The following KLF8 variants were observed in gnomAD, a reference collection of about 807,000 sequenced individuals.
KLF8 encodes the protein Krueppel-like factor 8.
In KLF8, 10 loss-of-function variants were observed where a neutral mutation model predicts 18.2. That is an observed-to-expected ratio of 0.55 (90% CI 0.34 to 0.93). The LOEUF (loss-of-function observed/expected upper bound fraction) is 0.93, where lower values mean the gene tolerates loss of function less well. Ranked by LOEUF, KLF8 falls within the 40% of genes least tolerant of loss-of-function variation. The pLI is 0.02. For synonymous variants in KLF8, 109 were observed against 97.3 expected, an observed-to-expected ratio of 1.12 and a Z score of -0.71; for missense variants, 264 against 277.9, an observed-to-expected ratio of 0.95 and a Z score of 0.36.
the KLF8 span, among the ~76,000 whole-genome samples, chrX:56,123,197 T>C: frequency 9.2e-6 from 1 of 108,587 alleles, no homozygotes; most frequent in Non-Finnish European, 1.9e-5. Flanking sequence ...CCCAAGCATG[T>C]TTGACAGAGA....
At chrX:55,947,773 A>G in the KLF8 span, among the ~76,000 whole-genome samples, 1 of 111,893 alleles carries the variant, frequency 8.9e-6, no homozygotes, top group East Asian at 2.8e-4. Flanking sequence ...TGCAAAATAA[A>G]TGCTTTATAT....
At chrX:56,071,411 G>A in the KLF8 span, among the ~76,000 whole-genome samples, 7 of 110,965 alleles carry the variant, frequency 6.3e-5, no homozygotes, top group Non-Finnish European at 9.5e-5. Context: ...ATAATAGAAG[G>A]AATATAAAAT....
chrX:56,082,502 A>T, the KLF8 span, among the ~76,000 whole-genome samples: 1 of 102,996 alleles, frequency 9.7e-6, no homozygotes, highest in South Asian at 4.1e-4. Context: ...CTAGATTTGG[A>T]TTTAGTCTTT....
chrX:56,164,594 C>A, the KLF8 span, among the ~76,000 whole-genome samples: 1 of 101,261 alleles, frequency 9.9e-6, no homozygotes, highest in African/African-American at 3.5e-5. Context: ...TTTTTTTATC[C>A]TCTAGAATAT....
At chrX:56,262,335 A>T (rs1052607875) in intron 2 of KLF8, among the ~76,000 whole-genome samples, 3 of 111,882 alleles carry the variant, frequency 2.7e-5, no homozygotes, top group Non-Finnish European at 3.8e-5. Flanking sequence ...TCCATTTTAG[A>T]TGTTCCTACG....
chrX:56,102,420 C>CT, the KLF8 span, among the ~76,000 whole-genome samples: 1 of 111,348 alleles, frequency 9.0e-6, no homozygotes, highest in Non-Finnish European at 1.9e-5. Context: ...CTTAGGATTG[C>CT]TTTGGCTATT....
At chrX:56,059,535 G>T in the KLF8 span, among the ~76,000 whole-genome samples, 3 of 111,939 alleles carry the variant, frequency 2.7e-5, no homozygotes, top group Non-Finnish European at 3.8e-5. Context: ...TTTGTATAAG[G>T]TGTAAGGAAG....
the KLF8 span, among the ~76,000 whole-genome samples, chrX:55,948,158 T>C: frequency 8.9e-6 from 1 of 112,371 alleles, no homozygotes; most frequent in Non-Finnish European, 1.9e-5. Flanking sequence ...AGTAATTAGC[T>C]GATTAACATT....
chrX:56,257,398 G>A (rs1851724144), intron 2 of KLF8, among the ~76,000 whole-genome samples: 1 of 111,945 alleles, frequency 8.9e-6, no homozygotes, highest in Admixed American at 9.5e-5. Context: ...GGGGATACAT[G>A]TGCAGGTTTG....
chrX:56,151,056 G>A, the KLF8 span, among the ~76,000 whole-genome samples: 1 of 111,238 alleles, frequency 9.0e-6, no homozygotes, highest in Admixed American at 9.6e-5. Context: ...ACTATATGGA[G>A]CAGGAGGGAG....
the KLF8 span, among the ~76,000 whole-genome samples, chrX:56,024,338 G>A: frequency 9.1e-6 from 1 of 109,858 alleles, no homozygotes; most frequent in Non-Finnish European, 1.9e-5. Flanking sequence ...TTCCGAAATA[G>A]CTGGAATTAC....
At chrX:55,966,314 T>A in the KLF8 span, among the ~76,000 whole-genome samples, 1 of 112,247 alleles carries the variant, frequency 8.9e-6, no homozygotes, top group Non-Finnish European at 1.9e-5. Flanking sequence ...TGAGACCAAG[T>A]GCTTTGCTGG....
At chrX:56,081,997 C>T in the KLF8 span, among the ~76,000 whole-genome samples, 2 of 111,317 alleles carry the variant, frequency 1.8e-5, no homozygotes, top group East Asian at 5.6e-4. Context: ...CCCTCCTCTT[C>T]AATGTTTTGA....
At chrX:56,036,760 T>C in the KLF8 span, among the ~76,000 whole-genome samples, 1 of 111,904 alleles carries the variant, frequency 8.9e-6, no homozygotes, top group Non-Finnish European at 1.9e-5. Flanking sequence ...ATTTGTAGAT[T>C]CCTTTGGGTA....
At chrX:56,169,119 G>A in the KLF8 span, among the ~76,000 whole-genome samples, 1,048 of 111,074 alleles carry the variant, frequency 9.4e-3, 11 homozygotes, top group African/African-American at 0.033. Context: ...TGCCTTAAAG[G>A]GAATGACCTG....
At chrX:56,201,062 A>C in the KLF8 span, among the ~76,000 whole-genome samples, 1 of 112,022 alleles carries the variant, frequency 8.9e-6, no homozygotes, top group Non-Finnish European at 1.9e-5. Context: ...GTTTTCTCAA[A>C]AAATTAAAAA....
At chrX:56,053,831 T>C in the KLF8 span, among the ~76,000 whole-genome samples, 1 of 111,103 alleles carries the variant, frequency 9.0e-6, no homozygotes, top group Non-Finnish European at 1.9e-5. Flanking sequence ...AATTTGTATT[T>C]CTGTAGGGTT....
At chrX:56,016,693 G>A in the KLF8 span, among the ~76,000 whole-genome samples, 1 of 111,239 alleles carries the variant, frequency 9.0e-6, no homozygotes, top group Non-Finnish European at 1.9e-5. Flanking sequence ...AACTACTGTG[G>A]TTCCTGAGTC....
At chrX:56,111,058 C>A in the KLF8 span, among the ~76,000 whole-genome samples, 1 of 111,700 alleles carries the variant, frequency 9.0e-6, no homozygotes, top group Non-Finnish European at 1.9e-5. Flanking sequence ...CTGGTAATGT[C>A]TTAATCTCTG....
Sources: allele counts gnomAD v4.1 joint callset (sites outside exome capture counted in the v4.1 genomes callset), GRCh38; gene constraint gnomAD v4.1.1; transcripts MANE v1.5; gene names NCBI Gene and HGNC (gene_info 2026-07-23, HGNC 2026-07-21).